The following SHROOM2 variants were observed in gnomAD, a reference collection of about 807,000 sequenced individuals.
SHROOM2 encodes the protein shroom family member 2.
SHROOM2 carries 33 observed loss-of-function variants against 75.9 expected under a neutral mutation model. That is an observed-to-expected ratio of 0.43 (90% CI 0.33 to 0.58). SHROOM2 has a LOEUF of 0.58. SHROOM2 is among the 20% of genes least tolerant of loss of function. SHROOM2 has a pLI of 0.04. For synonymous variants in SHROOM2, 655 were observed against 663.6 expected, an observed-to-expected ratio of 0.99 and a Z score of 0.20; for missense variants, 1,434 against 1,461.2, an observed-to-expected ratio of 0.98 and a Z score of 0.30.
chrX:9,924,458 C>G (rs1240243379), intron 5 of SHROOM2, among the ~76,000 whole-genome samples: 8 of 111,678 alleles, frequency 7.2e-5, no homozygotes, highest in African/African-American at 2.6e-4. Context: ...TGGGCTCAAG[C>G]AATCCTCCCG....
intron 4 of SHROOM2, among the ~76,000 whole-genome samples, chrX:9,897,309 T>A (rs1163488900): frequency 9.0e-6 from 1 of 111,536 alleles, no homozygotes; most frequent in Non-Finnish European, 1.9e-5. Context: ...TGCTTCAAAG[T>A]GAACAGTCTC....
chrX:9,919,691 G>A (rs996453721), intron 5 of SHROOM2, among the ~76,000 whole-genome samples: 37 of 110,782 alleles, frequency 3.3e-4, no homozygotes, highest in African/African-American at 8.6e-4. Flanking sequence ...CAAAAAGTGC[G>A]AATCAAAACA....
At chrX:9,917,440 A>G (rs2084500099) in intron 5 of SHROOM2, among the ~76,000 whole-genome samples, 1 of 112,588 alleles carries the variant, frequency 8.9e-6, no homozygotes, top group African/African-American at 3.2e-5. Context: ...CCACATAAAC[A>G]TATGTAGAAA....
intron 5 of SHROOM2, among the ~76,000 whole-genome samples, chrX:9,925,747 G>A (rs746782871): frequency 8.0e-5 from 9 of 112,457 alleles, no homozygotes; most frequent in Non-Finnish European, 1.3e-4. Flanking sequence ...TGTATAATAC[G>A]TTTGTATATG....
At chrX:9,943,807 C>A (rs1397463661) in intron 8 of SHROOM2, among the ~76,000 whole-genome samples, 1 of 112,164 alleles carries the variant, frequency 8.9e-6, no homozygotes, top group South Asian at 3.7e-4. Flanking sequence ...TCATTCGTAT[C>A]CCTTTATTGG....
intron 1 of SHROOM2, among the ~76,000 whole-genome samples, chrX:9,859,723 G>T (rs1356141174): frequency 9.0e-6 from 1 of 111,713 alleles, no homozygotes; most frequent in Admixed American, 9.5e-5. Context: ...TGTTGTTGCG[G>T]GTGTGTGATG....
chrX:9,890,937 G>A (rs371756339), intron 2 of SHROOM2, 40 bp from the exon 3 acceptor site: 3 of 1,165,702 alleles, frequency 2.6e-6, no homozygotes, highest in Non-Finnish European at 3.4e-6. Flanking sequence ...AGCGCTGTGT[G>A]CAGTCCCTGA....
intron 1 of SHROOM2, among the ~76,000 whole-genome samples, chrX:9,808,491 G>C (rs1346556972): frequency 9.0e-6 from 1 of 110,717 alleles, no homozygotes; most frequent in Non-Finnish European, 1.9e-5. Context: ...GGAGGCTGCA[G>C]TGAGCTATCA....
intron 1 of SHROOM2, among the ~76,000 whole-genome samples, chrX:9,795,108 T>C (rs781078681): frequency 1.9e-5 from 2 of 102,573 alleles, no homozygotes; most frequent in South Asian, 8.5e-4. Context: ...TTTCTTTCTT[T>C]CTTTCTTTCT....
At chrX:9,917,064 T>C (rs2084496750) in intron 5 of SHROOM2, among the ~76,000 whole-genome samples, 1 of 111,531 alleles carries the variant, frequency 9.0e-6, no homozygotes, top group African/African-American at 3.3e-5. Flanking sequence ...ATGAATTCCC[T>C]AGGAGGTGTA....
At chrX:9,802,321 C>A (rs1288823429) in intron 1 of SHROOM2, among the ~76,000 whole-genome samples, 1 of 112,065 alleles carries the variant, frequency 8.9e-6, no homozygotes, top group East Asian at 2.8e-4. Context: ...AGAATCTCAG[C>A]CCCTGCCCCA....
Position 9,819,854 on chromosome X carries a change from C to A in SHROOM2, c.165+33144C>A, listed in dbSNP as rs769392803. 7.8e-5 allele frequency among the ~76,000 whole-genome samples: 8 copies of A among 103,004 alleles called. No individual in the cohort carries two copies. In the East Asian group the frequency reaches 2.4e-3, roughly 31 times the overall value. 89.4% of individuals were successfully genotyped at this position (103,004 alleles called of 115,157 possible). On this transcript the variant is annotated intron_variant, in intron 1 of 9. Transcript: ENST00000380913. ...TGTTGCCCAGGCTGGATTGCAGTGG[C>A]GTGATCTTGGCTCACTGCAACTTCC...
intron 2 of SHROOM2, among the ~76,000 whole-genome samples, chrX:9,877,594 G>C (rs58562981): frequency 0.023 from 2,569 of 111,619 alleles, 58 homozygotes; most frequent in African/African-American, 0.066. Context: ...TAGGTGCCCA[G>C]GCCCACCCCT....
At position 9,894,987 on chromosome X, in the gene SHROOM2, A is replaced by G. The variant is rs2084317042; in HGVS notation, c.1079A>G (p.Asp360Gly). Residue 360 changes from aspartate to glycine, a missense_variant, in exon 4 of 10, where the codon GAC (aspartate) becomes GGC (glycine). Physicochemically the swap from Asp to Gly is moderately conservative, Grantham distance 94. This residue lies in a region of SHROOM2 where 1,340 missense variants were observed against 1,338.3 expected (regional missense o/e 1.00). Transcript: ENST00000380913. ...CTGGCCCAGGCTCAGCCTCGTGGTGACCGGAGACCAGAGCTCACCGATCGG... is the reference window on the plus strand; with the variant it reads ...CTGGCCCAGGCTCAGCCTCGTGGTGGCCGGAGACCAGAGCTCACCGATCGG... The part of the protein sequence containing the change: ...TALAQAQPRG[D>G]RRPELTDRPW... 1 of 1,208,695 alleles carries G rather than the reference A, an allele frequency of 8.3e-7. No individual in the cohort carries two copies. Among genetic ancestry groups the G allele is most frequent in the Admixed American group, 2.2e-5 (1 of 45,891 alleles).
At chrX:9,819,178 G>A in intron 1 of SHROOM2, 2 of 1,119,329 alleles carry the variant, frequency 1.8e-6, no homozygotes, top group African/African-American at 1.8e-5. Context: ...GGCTTGACAT[G>A]CATATCTGTT....
At chrX:9,798,136 A>C (rs1449338319) in intron 1 of SHROOM2, among the ~76,000 whole-genome samples, 1 of 110,715 alleles carries the variant, frequency 9.0e-6, no homozygotes, top group Non-Finnish European at 1.9e-5. Flanking sequence ...CTGAGGAAAG[A>C]CCTTGTCTGT....
chrX:9,913,712 A>C (rs1409961799), intron 5 of SHROOM2, among the ~76,000 whole-genome samples: 1 of 112,340 alleles, frequency 8.9e-6, no homozygotes, highest in Non-Finnish European at 1.9e-5. Context: ...TAAAAAGGCA[A>C]AGGAGTTTGA....
chrX:9,846,726 G>A (rs1169190265), intron 1 of SHROOM2, among the ~76,000 whole-genome samples: 1 of 112,577 alleles, frequency 8.9e-6, no homozygotes, highest in Admixed American at 9.4e-5. Context: ...GCTAAGGAAG[G>A]TTAAGACCTT....
At chrX:9,935,675 G>T (rs2084696510) in intron 6 of SHROOM2, among the ~76,000 whole-genome samples, 1 of 111,561 alleles carries the variant, frequency 9.0e-6, no homozygotes, top group South Asian at 3.7e-4. Context: ...CCACTGCCTT[G>T]ATAGGGAAAG....
Sources: gnomAD v4.1 joint callset for allele counts (sites outside exome capture counted in the v4.1 genomes callset) on GRCh38, gnomAD v4.1.1 for gene constraint, gnomAD v4.1.1 regional missense constraint, MANE v1.5 for transcripts, NCBI Gene and HGNC (gene_info 2026-07-23, HGNC 2026-07-21) for gene names.